The following MBTD1 variants were observed in gnomAD, a reference collection of about 807,000 sequenced individuals.
MBTD1 encodes the protein mbt domain containing 1, also known as MBT domain-containing protein 1.
In MBTD1, 24 loss-of-function variants were observed where a neutral mutation model predicts 87.8. The ratio of observed to expected loss-of-function variants is 0.27; its 90% confidence interval spans 0.20 to 0.38. The LOEUF (loss-of-function observed/expected upper bound fraction) is 0.38. MBTD1 is among the 10% of genes least tolerant of loss of function. The pLI is 1.00. For synonymous variants in MBTD1, 237 were observed against 248.6 expected, an observed-to-expected ratio of 0.95 and a Z score of 0.44; for missense variants, 436 against 760.2, an observed-to-expected ratio of 0.57 and a Z score of 5.02.
chr17:51,203,107 G>A (rs1268235477), intron 9 of MBTD1, 33 bp downstream of exon 9: 7 of 1,509,596 alleles, frequency 4.6e-6, no homozygotes, highest in Non-Finnish European at 6.4e-6. Flanking sequence ...GTTTTTTAGA[G>A]CTCTTCAGTC....
chr17:51,259,275 C>G (rs1187769161), intron 1 of MBTD1, 69 bp from the exon 2 acceptor site: 1 of 1,231,294 alleles, frequency 8.1e-7, no homozygotes, highest in Non-Finnish European at 1.0e-6. Context: ...GACTTGAAAC[C>G]CTTTTAAATA....
At chr17:51,190,521 G>C (rs540085401) in intron 16 of MBTD1, among the ~76,000 whole-genome samples, 2 of 151,098 alleles carry the variant, frequency 1.3e-5, no homozygotes, top group African/African-American at 2.4e-5. Flanking sequence ...CCAGGAGTTT[G>C]AGACCAGCCT....
chr17:51,231,094 C>T (rs907934158), intron 2 of MBTD1, among the ~76,000 whole-genome samples: 7 of 152,136 alleles, frequency 4.6e-5, no homozygotes, highest in African/African-American at 1.7e-4. Flanking sequence ...CCTGCCACCA[C>T]GCCAGGCTAA....
At chr17:51,191,261 T>C (rs1427237098) in intron 16 of MBTD1, among the ~76,000 whole-genome samples, 1 of 37,196 alleles carries the variant, frequency 2.7e-5, no homozygotes, top group Non-Finnish European at 5.8e-5. Context: ...AAAGAATTTC[T>C]TTTTTTTTTT....
At position 51,191,248 on chromosome 17, in the gene MBTD1, T is replaced by C. The variant is rs947449789; in HGVS notation, c.1768+955A>G. On this transcript the variant is annotated intron_variant, in intron 16 of 16. Coordinates refer to ENST00000586178, the MANE Select transcript of MBTD1 (RefSeq NM_017643.3). ...ATTCACTGTAAGGTAAAATATAGTA[T>C]AGAAAGAATTTCTTTTTTTTTTTTT... 2.7e-5 allele frequency among the ~76,000 whole-genome samples: 4 copies of C among 146,454 alleles called. No individual in the cohort carries two copies. In the East Asian group the frequency reaches 5.9e-4, roughly 22 times the overall value.
At chr17:51,194,822 T>G (rs1216425988) in intron 13 of MBTD1, among the ~76,000 whole-genome samples, 2 of 151,196 alleles carry the variant, frequency 1.3e-5, no homozygotes, top group African/African-American at 4.9e-5. Flanking sequence ...GCCCAGGAGT[T>G]GAAGTTACCG....
intron 16 of MBTD1, among the ~76,000 whole-genome samples, chr17:51,186,968 A>T (rs574510570): frequency 2.0e-5 from 3 of 152,180 alleles, no homozygotes; most frequent in East Asian, 3.8e-4. Flanking sequence ...AACAATTTAA[A>T]TGTATTATCT....
At chr17:51,253,351 C>G (rs1436827545) in intron 2 of MBTD1, among the ~76,000 whole-genome samples, 2 of 152,000 alleles carry the variant, frequency 1.3e-5, no homozygotes, top group Admixed American at 1.3e-4. Context: ...ATAATACATA[C>G]AAGGACACAA....
intron 1 of MBTD1, 43 bp downstream of exon 1, chr17:51,259,792 C>G (rs2055360209): frequency 1.6e-6 from 2 of 1,232,650 alleles, no homozygotes; most frequent in African/African-American, 1.6e-5. Flanking sequence ...GCAGGCGTCC[C>G]CCCCACCTGG....
chr17:51,214,520 A>T (rs1237702386), intron 6 of MBTD1, among the ~76,000 whole-genome samples: 2 of 152,148 alleles, frequency 1.3e-5, no homozygotes, highest in African/African-American at 4.8e-5. Context: ...GTAATATCTA[A>T]GTGCTGGAAA....
intron 12 of MBTD1, among the ~76,000 whole-genome samples, chr17:51,197,440 C>T (rs953924014): frequency 2.6e-5 from 4 of 151,354 alleles, no homozygotes; most frequent in African/African-American, 9.7e-5. Flanking sequence ...ATCTAAACTG[C>T]TAAATTCATG....
chr17:51,232,913 G>A (rs1263387854), intron 2 of MBTD1, among the ~76,000 whole-genome samples: 1 of 151,732 alleles, frequency 6.6e-6, no homozygotes, highest in African/African-American at 2.4e-5. Context: ...TTAGGCAGCT[G>A]TGGTGGTATG....
intron 16 of MBTD1, among the ~76,000 whole-genome samples, chr17:51,187,884 A>G (rs776351237): frequency 3.3e-4 from 49 of 148,554 alleles, no homozygotes; most frequent in Middle Eastern, 3.2e-3. Context: ...AAAAAAAAGC[A>G]AAGGGATCTT....
intron 16 of MBTD1, among the ~76,000 whole-genome samples, chr17:51,186,717 T>C (rs967034796): frequency 6.7e-6 from 1 of 148,346 alleles, no homozygotes; most frequent in Non-Finnish European, 1.5e-5. Flanking sequence ...GAGCTTGCAG[T>C]GAGCCGAGAT....
intron 2 of MBTD1, among the ~76,000 whole-genome samples, chr17:51,239,718 A>G (rs2054055539): frequency 1.3e-5 from 2 of 152,180 alleles, no homozygotes. Context: ...TGACAACCAA[A>G]AACACCTTTA....
chr17:51,253,151 G>A (rs1218798236), intron 2 of MBTD1, among the ~76,000 whole-genome samples: 1 of 152,154 alleles, frequency 6.6e-6, no homozygotes, highest in Non-Finnish European at 1.5e-5. Context: ...TATATATTGA[G>A]AGATTGATGA....
At chr17:51,211,542 T>C (rs568044456) in intron 6 of MBTD1, among the ~76,000 whole-genome samples, 16 of 151,278 alleles carry the variant, frequency 1.1e-4, no homozygotes, top group African/African-American at 3.9e-4. Context: ...GTGATGTTTA[T>C]TATGTTAGAG....
intron 4 of MBTD1, among the ~76,000 whole-genome samples, chr17:51,219,356 C>T (rs2052753852): frequency 6.6e-6 from 1 of 152,206 alleles, no homozygotes; most frequent in Non-Finnish European, 1.5e-5. Context: ...TTCCTTCTTA[C>T]AGTAGATAGA....
chr17:51,259,795 C>G (rs1037689489), intron 1 of MBTD1, 40 bp downstream of exon 1: 4 of 1,232,648 alleles, frequency 3.2e-6, no homozygotes, highest in South Asian at 4.1e-5. Context: ...GGCGTCCCCC[C>G]CACCTGGCAC....
Sources: allele counts gnomAD v4.1 joint callset (sites outside exome capture counted in the v4.1 genomes callset), GRCh38; gene constraint gnomAD v4.1.1; transcripts MANE v1.5; gene names NCBI Gene and HGNC (gene_info 2026-07-23, HGNC 2026-07-21).